ANK3: variants seen among roughly 807,000 people sequenced by gnomAD.
ANK3 encodes ankyrin-3.
A neutral mutation model predicts 370.9 loss-of-function variants in ANK3; 57 were observed. That is an observed-to-expected ratio of 0.15 (90% confidence interval 0.12 to 0.19). ANK3 has a LOEUF of 0.19. ANK3 is among the 10% of genes least tolerant of loss of function. The probability of loss-of-function intolerance (pLI) is 1.00; values close to 1 mark genes in which losing one functional copy is unlikely to be tolerated. For synonymous variants in ANK3, 1,929 were observed against 1,946.3 expected, an observed-to-expected ratio of 0.99 and a Z score of 0.23; for missense variants, 4,439 against 5,302.1, an observed-to-expected ratio of 0.84 and a Z score of 5.06.
intron 2 of ANK3, among the ~76,000 whole-genome samples, chr10:60,401,934 A>C (rs1022440246): frequency 6.6e-6 from 1 of 152,216 alleles, no homozygotes; most frequent in Non-Finnish European, 1.5e-5. Flanking sequence ...TACTGAAGAG[A>C]CTGGTGGAAT....
At chr10:60,158,685 C>CTTTTTTTTTTTTTTT (rs141741941) in intron 23 of ANK3, among the ~76,000 whole-genome samples, 15 of 132,742 alleles carry the variant, frequency 1.1e-4, no homozygotes, top group South Asian at 2.4e-4. Context: ...CACTTTTTTT[C>CTTTTTTTTTTTTTTT]TTTTTTTTGA....
intron 1 of ANK3, among the ~76,000 whole-genome samples, chr10:60,714,777 C>T (rs1211384498): frequency 1.3e-5 from 2 of 151,996 alleles, no homozygotes; most frequent in East Asian, 3.9e-4. Context: ...TTGCTTAAGC[C>T]CCTAGAGTTT....
intron 1 of ANK3, among the ~76,000 whole-genome samples, chr10:60,367,184 A>C (rs114525851): frequency 0.012 from 1,812 of 152,286 alleles, 36 homozygotes; most frequent in African/African-American, 0.042. Context: ...TATTACTGAG[A>C]TAGATGGCAC....
chr10:60,684,439 C>G (rs576996413), intron 1 of ANK3: 6 of 903,398 alleles, frequency 6.6e-6, no homozygotes, highest in Admixed American at 5.1e-5. Flanking sequence ...GGATCACCTA[C>G]GAAGAGAAGT....
Position 60,239,978 on chromosome 10 carries a change from T to C in ANK3, c.799-5192A>G, listed in dbSNP as rs116354253. The stretch of plus-strand genomic sequence containing the variant: ...ATAAATATATATGCATTCTAAAATA[T>C]ATTGATCCAAATATATATGTATGTG... On this transcript the variant is annotated intron_variant, in intron 7 of 43. Transcript: ENST00000280772. 7.0e-3 allele frequency among the ~76,000 whole-genome samples: 1,050 copies of C among 149,582 alleles called. 18 individuals carry two copies. The highest frequency in any genetic ancestry group is 0.024 in the African/African-American group (974 of 40,834).
At chr10:60,667,817 T>C (rs577248362) in intron 1 of ANK3, among the ~76,000 whole-genome samples, 1 of 151,566 alleles carries the variant, frequency 6.6e-6, no homozygotes, top group South Asian at 2.1e-4. Flanking sequence ...TGTATCAGTG[T>C]CCCTTATTCT....
chr10:60,407,362 T>A (rs192579035), intron 2 of ANK3, among the ~76,000 whole-genome samples: 21 of 152,340 alleles, frequency 1.4e-4, no homozygotes, highest in Admixed American at 7.2e-4. Context: ...ATAATTATAA[T>A]TTATTCTCCT....
At chr10:60,285,672 A>G (rs2098233521) in intron 1 of ANK3, among the ~76,000 whole-genome samples, 2 of 151,958 alleles carry the variant, frequency 1.3e-5, no homozygotes, top group Non-Finnish European at 2.9e-5. Flanking sequence ...GGCTCCCACT[A>G]TTCTCTCTAA....
At chr10:60,525,870 A>G (rs758227668) in intron 2 of ANK3, among the ~76,000 whole-genome samples, 8 of 152,142 alleles carry the variant, frequency 5.3e-5, no homozygotes, top group Non-Finnish European at 1.0e-4. Context: ...TATTCTGCGC[A>G]GATGTGAAAG....
chr10:60,709,328 TCTATA>T (rs1183858223), intron 1 of ANK3, among the ~76,000 whole-genome samples: 1 of 129,054 alleles, frequency 7.7e-6, no homozygotes, highest in Non-Finnish European at 1.7e-5. Flanking sequence ...TATATCTATA[TCTATA>T]TCTATCTACA....
At chr10:60,290,965 T>A (rs2041237196) in intron 1 of ANK3, among the ~76,000 whole-genome samples, 1 of 152,210 alleles carries the variant, frequency 6.6e-6, no homozygotes, top group South Asian at 2.1e-4. Context: ...CTGTCCACTA[T>A]GATCTGGTTT....
intron 2 of ANK3, among the ~76,000 whole-genome samples, chr10:60,523,735 A>C (rs972249728): frequency 5.3e-5 from 8 of 152,232 alleles, no homozygotes; most frequent in Middle Eastern, 3.4e-3. Context: ...AGCATGATTT[A>C]TAGTCCTTTG....
chr10:60,650,448 GA>G (rs2078773005), intron 1 of ANK3, among the ~76,000 whole-genome samples: 1 of 151,296 alleles, frequency 6.6e-6, no homozygotes, highest in Non-Finnish European at 1.5e-5. Flanking sequence ...AAACTAAGGT[GA>G]ATAAGATCCA....
At chr10:60,498,928 T>C (rs181725832) in intron 2 of ANK3, among the ~76,000 whole-genome samples, 2 of 152,346 alleles carry the variant, frequency 1.3e-5, no homozygotes, top group African/African-American at 2.4e-5. Context: ...ATAAAAATGA[T>C]TGATTTCAAT....
At chr10:60,431,843 C>T (rs549109545) in intron 2 of ANK3, among the ~76,000 whole-genome samples, 6 of 152,226 alleles carry the variant, frequency 3.9e-5, no homozygotes, top group African/African-American at 1.2e-4. Flanking sequence ...CAAAAAGGTC[C>T]CACATTCAGC....
chr10:60,387,143 AGAGT>A (rs2062486466), intron 1 of ANK3, among the ~76,000 whole-genome samples: 2 of 151,738 alleles, frequency 1.3e-5, no homozygotes, highest in African/African-American at 2.4e-5. Context: ...CTGGGCAACA[AGAGT>A]GAGACTCCAT....
At chr10:60,116,907 T>C (rs1021130014) in intron 25 of ANK3, among the ~76,000 whole-genome samples, 2 of 152,158 alleles carry the variant, frequency 1.3e-5, no homozygotes, top group African/African-American at 2.4e-5. Context: ...CAGAACCCAT[T>C]ATGGTACATC....
At position 60,648,201 on chromosome 10, in the gene ANK3, G is replaced by A. The variant is rs961625467; in HGVS notation, c.58-32977C>T. Reference sequence around the variant, plus strand: ...GGAGTCTCGCACTGTCTCCCAGGCTGGAGTGCCATGGCACCATCTCAGCTC... The same window carrying A: ...GGAGTCTCGCACTGTCTCCCAGGCTAGAGTGCCATGGCACCATCTCAGCTC... On this transcript the variant is annotated intron_variant, in intron 1 of 43. Transcript: ENST00000373827. Among the ~76,000 whole-genome samples the A allele has an allele frequency of 5.9e-4, 83 of 141,546 alleles. 1 individual carries two copies. Among genetic ancestry groups the A allele is most frequent in the Non-Finnish European group, 8.8e-4 (58 of 65,680 alleles). 92.9% of individuals were successfully genotyped at this position (141,546 alleles called of 152,430 possible).
chr10:60,414,559 C>G (rs2063622694), intron 2 of ANK3, among the ~76,000 whole-genome samples: 1 of 151,968 alleles, frequency 6.6e-6, no homozygotes. Context: ...AGGGAGATCT[C>G]CTTTGGAGAT....
Sources: gnomAD v4.1 joint callset for allele counts (sites outside exome capture counted in the v4.1 genomes callset) on GRCh38, gnomAD v4.1.1 for gene constraint, MANE v1.5 for transcripts, NCBI Gene and HGNC (gene_info 2026-07-23, HGNC 2026-07-21) for gene names.